Variants in KIF13A observed in about 807,000 individuals in gnomAD.
The protein encoded by KIF13A is kinesin-like protein KIF13A.
Under a neutral mutation model 212.2 loss-of-function variants are expected in KIF13A, and 79 were observed. The observed-to-expected ratio is 0.37, with a 90% CI of 0.31 to 0.45. The LOEUF (loss-of-function observed/expected upper bound fraction) is 0.45, where lower values mean the gene tolerates loss of function less well. Among genes scored for constraint, KIF13A ranks in the 20% least tolerant of loss-of-function variants. The pLI, the probability that KIF13A is intolerant of heterozygous loss-of-function variation, is 1.00. For synonymous variants in KIF13A, 789 were observed against 808.6 expected (o/e 0.98, Z 0.41); for missense variants, 1,901 against 2,209.0 (o/e 0.86, Z 2.79).
At position 17,826,881 on chromosome 6, in the gene KIF13A, A is replaced by C. The variant is rs1765005307; in HGVS notation, c.1533-757T>G. Among the ~76,000 whole-genome samples the C allele has an allele frequency of 6.6e-6, 1 of 152,070 alleles. No homozygotes were observed. Among genetic ancestry groups the C allele is most frequent in the African/African-American group, 2.4e-5 (1 of 41,426 alleles). ...GTGAGATATTTATAGATACAATGTT[A>C]TAAAATCTGGAATCTACTTTAAAAT... On this transcript the variant is annotated intron_variant, in intron 14 of 38. Transcript: ENST00000259711. This position sits in a 1 kb window ranked among gnomAD's most constrained non-coding sequence, Gnocchi z 4.7.
chr6:17,859,166 T>C (rs925507244), intron 4 of KIF13A, among the ~76,000 whole-genome samples: 10 of 152,188 alleles, frequency 6.6e-5, no homozygotes, highest in Non-Finnish European at 1.5e-4. Context: ...AAACTAAAGA[T>C]TGTTAGTTGG....
intron 2 of KIF13A, among the ~76,000 whole-genome samples, chr6:17,927,376 A>T (rs1775576935): frequency 6.6e-6 from 1 of 152,234 alleles, no homozygotes; most frequent in Admixed American, 6.5e-5. Flanking sequence ...AACATGGATG[A>T]ACATTATGCT....
chr6:17,815,564 C>CTT (rs1236097433), intron 17 of KIF13A: 1 of 419,046 alleles, frequency 2.4e-6, no homozygotes, highest in Non-Finnish European at 4.9e-6. Context: ...AGGGCTTACA[C>CTT]TTGTCTTCTG....
At chr6:17,845,301 A>G (rs868733498) in intron 9 of KIF13A, among the ~76,000 whole-genome samples, 42 of 152,208 alleles carry the variant, frequency 2.8e-4, no homozygotes, top group African/African-American at 1.0e-3. Flanking sequence ...TTTTGGTGGG[A>G]CACAGCCATA....
Position 17,771,597 on chromosome 6 carries a change from A to T in KIF13A, c.4476+311T>A. 3.0e-6 allele frequency: 1 copy of T among 335,284 alleles called. No homozygotes were observed. Among genetic ancestry groups the T allele is most frequent in the East Asian group, 4.7e-5 (1 of 21,122 alleles). 20.8% of individuals were successfully genotyped at this position (335,284 alleles called of 1,614,324 possible). A position where few individuals can be genotyped will look rare whatever the true frequency, so the allele number is the denominator to read the frequency against. ...AAATCAGAAATCCCCAAAAAGACAA[A>T]AAAGAAAAATAATTTTAAAAAAGGC... On this transcript the variant is annotated intron_variant, in intron 37 of 38. Transcript: ENST00000259711. The surrounding 1 kb of genome is among the most constrained non-coding windows in gnomAD (Gnocchi z 5.4).
chr6:17,957,276 T>C (rs1581852092), intron 2 of KIF13A, among the ~76,000 whole-genome samples: 1 of 152,134 alleles, frequency 6.6e-6, no homozygotes, highest in South Asian at 2.1e-4. Flanking sequence ...TCCAGATCAC[T>C]GAGCACATGG....
chr6:17,850,559 CACCACCCTTCCATAGAA>C lies in KIF13A; in HGVS notation c.583-119_583-103del. ...ATTATGATTCCTCTGATGCCTTTGT[CACCACCCTTCCATAGAA>C]ACCTCCCTGCCGCTCCTCCATTGAG... On this transcript the variant is annotated intron_variant, in intron 7 of 38. Transcript: ENST00000259711. The surrounding 1 kb of genome is among the most constrained non-coding windows in gnomAD (Gnocchi z 6.2). The C allele has an allele frequency of 8.4e-7, 1 of 1,196,316 alleles. No homozygotes were observed. The allele number at this position is 1,196,316 out of a possible 1,614,324, so 74.1% of individuals were successfully genotyped here. A position where few individuals can be genotyped will look rare whatever the true frequency, so the allele number is the denominator to read the frequency against.
intron 4 of KIF13A, among the ~76,000 whole-genome samples, chr6:17,867,128 A>C (rs921401004): frequency 1.3e-5 from 2 of 151,894 alleles, no homozygotes; most frequent in Non-Finnish European, 2.9e-5. Flanking sequence ...ATTTGCTCCT[A>C]AACTGTTCTA....
intron 3 of KIF13A, among the ~76,000 whole-genome samples, chr6:17,880,525 G>A (rs2150449274): frequency 6.6e-6 from 1 of 151,074 alleles, no homozygotes; most frequent in East Asian, 2.0e-4. Context: ...CTACTTGGGA[G>A]GCTGAGATAG....
Position 17,805,529 on chromosome 6 carries a change from A to G in KIF13A, c.2250T>C (p.Asn750=), listed in dbSNP as rs536339718. Residue 750 remains asparagine (N), a synonymous_variant, in exon 19 of 39, where the codon AAT becomes AAC. Transcript: ENST00000259711. The stretch of plus-strand genomic sequence containing the variant: ...AAAGGTCTCTCATGTCAATTAATTT[A>G]TTCTCCAGCTTCTCAATGGTCCACA... ...TQVWTIEKLE[N]KLIDMRDLYQ... 1.2e-6 allele frequency: 2 copies of G among 1,613,742 alleles called. No homozygotes were observed. The highest frequency in any genetic ancestry group is 2.2e-5 in the South Asian group (2 of 91,064).
At chr6:17,848,057 C>T (rs755033453) in intron 9 of KIF13A, among the ~76,000 whole-genome samples, 1 of 152,100 alleles carries the variant, frequency 6.6e-6, no homozygotes, top group Non-Finnish European at 1.5e-5. Context: ...GGTGATCCAC[C>T]CACCTCAGCC....
At chr6:17,766,534 G>A (rs1044053765) in intron 38 of KIF13A, among the ~76,000 whole-genome samples, 7 of 151,924 alleles carry the variant, frequency 4.6e-5, no homozygotes, top group African/African-American at 7.2e-5. Flanking sequence ...CACCGTGCCC[G>A]GCTAGGATTT....
chr6:17,940,067 G>C (rs574431697), intron 2 of KIF13A, among the ~76,000 whole-genome samples: 183 of 82,468 alleles, frequency 2.2e-3, no homozygotes, highest in Non-Finnish European at 3.5e-3. Flanking sequence ...AAAAAAAAAA[G>C]ATAGTCTCAC....
chr6:17,785,739 C>A lies in KIF13A; in HGVS notation c.3362-98G>T. 2 of 1,261,836 alleles carry A rather than the reference C, an allele frequency of 1.6e-6. No homozygotes were observed. Among genetic ancestry groups the A allele is most frequent in the Admixed American group, 2.3e-5 (1 of 42,874 alleles). The allele number at this position is 1,261,836 out of a possible 1,614,324, so 78.2% of individuals were successfully genotyped here. A position where few individuals can be genotyped will look rare whatever the true frequency, so the allele number is the denominator to read the frequency against. On this transcript the variant is annotated intron_variant, in intron 27 of 38. Coordinates refer to ENST00000259711, the MANE Select transcript of KIF13A (RefSeq NM_022113.6). This position sits in a 1 kb window ranked among gnomAD's most constrained non-coding sequence, Gnocchi z 5.8. ...TTCAGCCTGGGCAACATAGTGAGAC[C>A]CCATCTCTACCAAAAAAAAAAAAAT...
intron 2 of KIF13A, among the ~76,000 whole-genome samples, chr6:17,908,529 G>T (rs576789604): frequency 8.0e-4 from 121 of 152,054 alleles, no homozygotes; most frequent in Non-Finnish European, 1.5e-3. Context: ...GCTTGAGCCC[G>T]GGAGATTGAG....
At chr6:17,824,151 G>A (rs1764727739) in intron 16 of KIF13A, among the ~76,000 whole-genome samples, 1 of 150,636 alleles carries the variant, frequency 6.6e-6, no homozygotes, top group East Asian at 2.0e-4. Context: ...CAGGTGATCT[G>A]CCCACCTGGG....
Position 17,919,524 on chromosome 6 carries a change from T to C in KIF13A, c.147-21344A>G, listed in dbSNP as rs2150518076. On this transcript the variant is annotated intron_variant, in intron 2 of 38. Coordinates refer to ENST00000259711, the MANE Select transcript of KIF13A (RefSeq NM_022113.6). The surrounding 1 kb of genome is among the most constrained non-coding windows in gnomAD (Gnocchi z 4.1). Reference sequence around the variant, plus strand: ...TTTCTCAGAGACTTCAACCCTCCTATATATCCAGAGTAAGAAAGCTGTGAG... The same window carrying C: ...TTTCTCAGAGACTTCAACCCTCCTACATATCCAGAGTAAGAAAGCTGTGAG... Among the ~76,000 whole-genome samples the C allele has an allele frequency of 6.6e-6, 1 of 152,304 alleles. No individual in the cohort carries two copies. Among genetic ancestry groups the C allele is most frequent in the Non-Finnish European group, 1.5e-5 (1 of 68,024 alleles).
intron 3 of KIF13A, among the ~76,000 whole-genome samples, chr6:17,881,003 A>AT (rs1382247966): frequency 3.3e-5 from 5 of 152,090 alleles, no homozygotes; most frequent in Admixed American, 2.0e-4. Flanking sequence ...TTGTGAGAAC[A>AT]TTTTTTTTGC....
intron 2 of KIF13A, among the ~76,000 whole-genome samples, chr6:17,979,696 T>C (rs1175710286): frequency 6.7e-6 from 1 of 148,704 alleles, no homozygotes; most frequent in Non-Finnish European, 1.5e-5. Flanking sequence ...AAAAGCAGAC[T>C]ATATGGAGAA....
Sources: allele counts gnomAD v4.1 joint callset (sites outside exome capture counted in the v4.1 genomes callset), GRCh38; gene constraint gnomAD v4.1.1; non-coding constraint Gnocchi (gnomAD v3.1); transcripts MANE v1.5; gene names NCBI Gene and HGNC (gene_info 2026-07-23, HGNC 2026-07-21).